Variants in OR1J2 observed in about 807,000 individuals in gnomAD.
OR1J2 encodes the protein olfactory receptor family 1 subfamily J member 2.
For synonymous variants in OR1J2, 142 were observed against 99.7 expected, an observed-to-expected ratio of 1.42 and a Z score of -2.52; for missense variants, 304 against 246.1, an observed-to-expected ratio of 1.24 and a Z score of -1.57.
At chr9:122,532,518 C>T in the OR1J2 span, among the ~76,000 whole-genome samples, 2 of 150,056 alleles carry the variant, frequency 1.3e-5, no homozygotes, top group African/African-American at 2.5e-5. Context: ...TGTGGGAGGC[C>T]GGATTGAAGT....
At chr9:122,573,532 C>T in the OR1J2 span, among the ~76,000 whole-genome samples, 3 of 152,220 alleles carry the variant, frequency 2.0e-5, no homozygotes, top group African/African-American at 7.2e-5. Flanking sequence ...TGTTTTCCAT[C>T]TGTGCATCTT....
the OR1J2 span, among the ~76,000 whole-genome samples, chr9:122,465,771 G>A: frequency 2.6e-5 from 4 of 152,204 alleles, no homozygotes; most frequent in African/African-American, 7.2e-5. Flanking sequence ...CTTGTTCCTC[G>A]TTGGAGGAGA....
chr9:122,566,539 T>G, the OR1J2 span, among the ~76,000 whole-genome samples: 2 of 152,210 alleles, frequency 1.3e-5, no homozygotes, highest in East Asian at 3.8e-4. Flanking sequence ...AAGATATATT[T>G]GATTCTTTGA....
At chr9:122,525,188 G>A in the OR1J2 span, among the ~76,000 whole-genome samples, 813 of 152,294 alleles carry the variant, frequency 5.3e-3, 4 homozygotes, top group Middle Eastern at 0.014. Flanking sequence ...CAGACTTCCA[G>A]TTCCAGGTCA....
chr9:122,542,262 A>G, the OR1J2 span, among the ~76,000 whole-genome samples: 1 of 152,192 alleles, frequency 6.6e-6, no homozygotes, highest in African/African-American at 2.4e-5. Flanking sequence ...ATTGCTTCCA[A>G]TATTTTGGCT....
the OR1J2 span, among the ~76,000 whole-genome samples, chr9:122,531,478 G>A: frequency 6.6e-6 from 1 of 152,172 alleles, no homozygotes; most frequent in Non-Finnish European, 1.5e-5. Flanking sequence ...GTACAGTCCA[G>A]GTTGGTCTGG....
the OR1J2 span, among the ~76,000 whole-genome samples, chr9:122,522,444 C>A: frequency 6.6e-6 from 1 of 152,034 alleles, no homozygotes; most frequent in Non-Finnish European, 1.5e-5. Context: ...TAAGAGTAAA[C>A]AAAAATTATT....
the OR1J2 span, among the ~76,000 whole-genome samples, chr9:122,538,334 T>G: frequency 6.6e-6 from 1 of 152,216 alleles, no homozygotes; most frequent in Non-Finnish European, 1.5e-5. Flanking sequence ...TATAGAAGTC[T>G]TTCACTTCCT....
chr9:122,561,379 G>C, the OR1J2 span, among the ~76,000 whole-genome samples: 1 of 152,162 alleles, frequency 6.6e-6, no homozygotes, highest in Middle Eastern at 3.2e-3. Flanking sequence ...TCACGCCCTT[G>C]CTGGAGAGGT....
chr9:122,451,152 C>CATTATTATT, the OR1J2 span, among the ~76,000 whole-genome samples: 77 of 137,572 alleles, frequency 5.6e-4, no homozygotes, highest in South Asian at 2.0e-3. Flanking sequence ...CTATCACCTG[C>CATTATTATT]ATTATTATTA....
the OR1J2 span, among the ~76,000 whole-genome samples, chr9:122,471,946 A>G: frequency 6.6e-6 from 1 of 152,164 alleles, no homozygotes. Context: ...TACTGTACAT[A>G]ACTTAAGCCA....
At chr9:122,545,253 T>C in the OR1J2 span, among the ~76,000 whole-genome samples, 1 of 152,178 alleles carries the variant, frequency 6.6e-6, no homozygotes, top group Admixed American at 6.5e-5. Context: ...CTATGGTTTA[T>C]GTTGGTGAGT....
chr9:122,543,849 C>T, the OR1J2 span, among the ~76,000 whole-genome samples: 1 of 152,178 alleles, frequency 6.6e-6, no homozygotes. Context: ...GATGAGGTAT[C>T]CAAACCAGTT....
chr9:122,575,200 C>T, the OR1J2 span, among the ~76,000 whole-genome samples: 8 of 151,944 alleles, frequency 5.3e-5, no homozygotes, highest in African/African-American at 1.2e-4. Context: ...TTGTTGGCTT[C>T]GTAGAATGAA....
chr9:122,500,913 G>A, the OR1J2 span, among the ~76,000 whole-genome samples: 4 of 152,072 alleles, frequency 2.6e-5, no homozygotes, highest in Non-Finnish European at 2.9e-5. Flanking sequence ...ACTAGTTTCC[G>A]TGAATAAGGG....
chr9:122,538,880 A>G, the OR1J2 span, among the ~76,000 whole-genome samples: 3 of 152,190 alleles, frequency 2.0e-5, no homozygotes, highest in Non-Finnish European at 2.9e-5. Context: ...GGAGACTCCA[A>G]AAGCAGGGAG....
the OR1J2 span, among the ~76,000 whole-genome samples, chr9:122,455,558 G>A: frequency 6.6e-6 from 1 of 151,960 alleles, no homozygotes; most frequent in Non-Finnish European, 1.5e-5. Flanking sequence ...TTCGTCTTTT[G>A]TTGTTGAGTT....
chr9:122,475,757 A>G, the OR1J2 span: 1 of 152,302 alleles, frequency 6.6e-6, no homozygotes, highest in Non-Finnish European at 1.5e-5. Context: ...TCTTCCTGTG[A>G]TCATCAGAAC....
At chr9:122,578,019 AC>A in the OR1J2 span, among the ~76,000 whole-genome samples, 1 of 152,234 alleles carries the variant, frequency 6.6e-6, no homozygotes, top group Non-Finnish European at 1.5e-5. Flanking sequence ...AAAGGAAAAC[AC>A]TTTTACACTG....
Sources: allele counts gnomAD v4.1 joint callset (sites outside exome capture counted in the v4.1 genomes callset), GRCh38; gene constraint gnomAD v4.1.1; transcripts MANE v1.5; gene names NCBI Gene and HGNC (gene_info 2026-07-23, HGNC 2026-07-21).